Variants in CDS2 observed in about 807,000 individuals in gnomAD.
CDS2 encodes CDP-diacylglycerol synthase 2, also known as phosphatidate cytidylyltransferase 2.
A neutral mutation model predicts 59.0 loss-of-function variants in CDS2; 47 were observed. The ratio of observed to expected loss-of-function variants is 0.80; its 90% CI spans 0.63 to 1.02. The LOEUF (loss-of-function observed/expected upper bound fraction) is 1.02, where lower values mean the gene tolerates loss of function less well. Ranked by LOEUF, CDS2 falls within the 50% of genes least tolerant of loss-of-function variation. The pLI is 0.00. For synonymous variants in CDS2, 207 were observed against 206.4 expected (o/e 1.00, Z -0.02); for missense variants, 356 against 558.9 (o/e 0.64, Z 3.66).
Position 5,194,125 on chromosome 20 carries a change from A to C in CDS2, c.*3891A>C, listed in dbSNP as rs907899005. Reference sequence around the variant, plus strand: ...AGGTGGAACAAACTCTGGCCTGAAGATGATGGCTAATACTCAGGCAGAGCC... The same window carrying C: ...AGGTGGAACAAACTCTGGCCTGAAGCTGATGGCTAATACTCAGGCAGAGCC... On this transcript the variant is annotated 3_prime_UTR_variant, in exon 13 of 13. Coordinates refer to ENST00000460006, the MANE Select transcript of CDS2 (RefSeq NM_003818.4). 5 of 152,260 alleles carry C rather than the reference A, an allele frequency of 3.3e-5. No homozygotes were observed. The highest frequency in any genetic ancestry group is 7.3e-5 in the Non-Finnish European group (5 of 68,068). The allele number at this position is 152,260 out of a possible 1,614,324, so 9.4% of individuals were successfully genotyped here. A position where few individuals can be genotyped will look rare whatever the true frequency, so the allele number is the denominator to read the frequency against.
At chr20:5,185,864 G>T in intron 9 of CDS2, 38 bp downstream of exon 9, 1 of 1,583,686 alleles carries the variant, frequency 6.3e-7, no homozygotes, top group Non-Finnish European at 8.7e-7. Context: ...GGATTGGGTG[G>T]ACAGAGGCCT....
intron 9 of CDS2, 77 bp downstream of exon 9, chr20:5,185,903 C>T: frequency 1.5e-6 from 2 of 1,372,426 alleles, no homozygotes; most frequent in Admixed American, 1.7e-5. Flanking sequence ...CTGTCCAGAG[C>T]TGGAGAGTGT....
chr20:5,158,206 G>A (rs1399655828), intron 1 of CDS2, among the ~76,000 whole-genome samples: 1 of 142,780 alleles, frequency 7.0e-6, no homozygotes, highest in African/African-American at 2.6e-5. Context: ...TTTGCTCTTG[G>A]TTGCCCAGGC....
intron 9 of CDS2, among the ~76,000 whole-genome samples, chr20:5,186,150 G>A (rs769521234): frequency 1.4e-4 from 21 of 152,224 alleles, no homozygotes; most frequent in Non-Finnish European, 2.8e-4. Flanking sequence ...TTTCTCCTAT[G>A]TGTGCCTTGC....
rs952923469 is a variant in CDS2 at position 5,197,561 on chromosome 20, G to A, written c.*7327G>A. 6.6e-6 allele frequency: 1 copy of A among 151,922 alleles called. No individual in the cohort carries two copies. Among genetic ancestry groups the A allele is most frequent in the Non-Finnish European group, 1.5e-5 (1 of 68,020 alleles). The allele number at this position is 151,922 out of a possible 1,614,324, so 9.4% of individuals were successfully genotyped here. ...GGAATTCAGTTGTCTCACCCTGATAGCCTGGGTGTTGATATTCACTTTACC... is the reference window on the plus strand; with the variant it reads ...GGAATTCAGTTGTCTCACCCTGATAACCTGGGTGTTGATATTCACTTTACC... On this transcript the variant is annotated 3_prime_UTR_variant, in exon 13 of 13. Coordinates refer to ENST00000460006, the MANE Select transcript of CDS2 (RefSeq NM_003818.4).
chr20:5,175,460 G>A, intron 3 of CDS2, 181 bp downstream of exon 3: 1 of 556,154 alleles, frequency 1.8e-6, no homozygotes, highest in Non-Finnish European at 3.2e-6. Context: ...AGGGTCATTG[G>A]TGTAGGCTGG....
At chr20:5,151,300 C>T (rs1029298123) in intron 1 of CDS2, among the ~76,000 whole-genome samples, 2 of 152,106 alleles carry the variant, frequency 1.3e-5, no homozygotes, top group Non-Finnish European at 2.9e-5. Flanking sequence ...CAAGTTTGGA[C>T]ACATTAGAGA....
chr20:5,176,764 C>T lies in CDS2; in HGVS notation c.389+19C>T. ...TCAGCTGGTAAGCTCTCCGGCCCCA[C>T]AGAGGCTTTTAGAATTTGGATGATG... On this transcript the variant is annotated intron_variant, in intron 4 of 12. Coordinates refer to ENST00000460006, the MANE Select transcript of CDS2 (RefSeq NM_003818.4). 5 of 1,570,888 alleles carry T rather than the reference C, an allele frequency of 3.2e-6. No homozygotes were observed. The highest frequency in any genetic ancestry group is 4.4e-6 in the Non-Finnish European group (5 of 1,140,606).
At chr20:5,131,467 A>G (rs1372508269) in intron 1 of CDS2, among the ~76,000 whole-genome samples, 1 of 152,244 alleles carries the variant, frequency 6.6e-6, no homozygotes, top group Non-Finnish European at 1.5e-5. Context: ...TATGGTCTGA[A>G]AGATTGGCAT....
chr20:5,163,131 G>A (rs910378097), intron 1 of CDS2, among the ~76,000 whole-genome samples: 16 of 152,200 alleles, frequency 1.1e-4, no homozygotes, highest in African/African-American at 3.4e-4. Flanking sequence ...ATCACTTGAG[G>A]CCAGAAGTTC....
intron 5 of CDS2, among the ~76,000 whole-genome samples, chr20:5,179,584 A>G (rs1036721534): frequency 6.6e-6 from 1 of 152,236 alleles, no homozygotes; most frequent in African/African-American, 2.4e-5. Context: ...AAAATCATCT[A>G]GGAACTTACC....
chr20:5,190,225 G>T lies in CDS2; in HGVS notation c.1329G>T (p.Glu443Asp). ...IDKGMLTSTTEDE is the reference protein window; with the variant it reads ...IDKGMLTSTTDDE ...AAGGGATGCTGACATCCACCACAGAGGACGAGTAGGGGCCACCCAGGGCCA... is the reference window on the plus strand; with the variant it reads ...AAGGGATGCTGACATCCACCACAGATGACGAGTAGGGGCCACCCAGGGCCA... Residue 443 changes from glutamate to aspartate, a missense_variant, in exon 13 of 13, where the codon GAG becomes GAT. Glu to Asp is a conservative substitution (Grantham distance 45). Coordinates refer to ENST00000460006, the MANE Select transcript of CDS2 (RefSeq NM_003818.4). 3 of 1,613,756 alleles carry T rather than the reference G, an allele frequency of 1.9e-6. No homozygotes were observed. Among genetic ancestry groups the T allele is most frequent in the Non-Finnish European group, 2.5e-6 (3 of 1,179,816 alleles).
intron 11 of CDS2, among the ~76,000 whole-genome samples, 167 bp downstream of exon 11, chr20:5,189,353 C>T (rs572302699): frequency 1.3e-5 from 2 of 152,090 alleles, no homozygotes; most frequent in Non-Finnish European, 1.5e-5. Context: ...ACAATATTTT[C>T]AGGAAAATGC....
chr20:5,140,825 T>C (rs915209084), intron 1 of CDS2, among the ~76,000 whole-genome samples: 5 of 152,206 alleles, frequency 3.3e-5, no homozygotes, highest in Admixed American at 2.0e-4. Flanking sequence ...CATAAAATCA[T>C]ATTTGAGCTT....
chr20:5,184,838 T>G lies in CDS2; in HGVS notation c.672-20T>G. On this transcript the variant is annotated intron_variant, in intron 7 of 12. Transcript: ENST00000460006. This position sits in a 1 kb window ranked among gnomAD's most constrained non-coding sequence, Gnocchi z 4.3. The stretch of plus-strand genomic sequence containing the variant: ...ACTGTCACCTTGCTTGAGTTGATCC[T>G]TACTTTGGTTCATTTCTAGGTTCAT... 6.3e-7 allele frequency: 1 copy of G among 1,586,846 alleles called. No homozygotes were observed. The highest frequency in any genetic ancestry group is 8.7e-7 in the Non-Finnish European group (1 of 1,155,174).
intron 1 of CDS2, among the ~76,000 whole-genome samples, chr20:5,163,362 A>G (rs138564206): frequency 1.7e-3 from 260 of 152,306 alleles, no homozygotes; most frequent in African/African-American, 5.8e-3. Flanking sequence ...CCCGGATTCA[A>G]TCGATTCTCC....
intron 1 of CDS2, among the ~76,000 whole-genome samples, chr20:5,145,133 T>A (rs928709306): frequency 6.6e-6 from 1 of 151,680 alleles, no homozygotes; most frequent in African/African-American, 2.4e-5. Flanking sequence ...GTGTCTTGGC[T>A]CACCTCTCTC....
At chr20:5,189,658 A>C (rs932140746) in intron 11 of CDS2, 77 bp from the exon 12 acceptor site, 2 of 1,025,160 alleles carry the variant, frequency 2.0e-6, no homozygotes, top group Non-Finnish European at 3.0e-6. Flanking sequence ...GAAGCCTGAC[A>C]TTGGGGTGGG....
At chr20:5,159,377 T>C (rs948763964) in intron 1 of CDS2, among the ~76,000 whole-genome samples, 1 of 136,344 alleles carries the variant, frequency 7.3e-6, no homozygotes, top group Non-Finnish European at 1.5e-5. Flanking sequence ...TTATGTCAGA[T>C]AATGTAGAAC....
Sources: allele counts gnomAD v4.1 joint callset (sites outside exome capture counted in the v4.1 genomes callset), GRCh38; gene constraint gnomAD v4.1.1; non-coding constraint Gnocchi (gnomAD v3.1); transcripts MANE v1.5; gene names NCBI Gene and HGNC (gene_info 2026-07-23, HGNC 2026-07-21).